The following ARHGAP10 variants were observed in gnomAD, a reference collection of about 807,000 sequenced individuals.
ARHGAP10 encodes Rho GTPase activating protein 10.
ARHGAP10 carries 87 observed loss-of-function variants against 108.6 expected under a neutral mutation model. That is an observed-to-expected ratio of 0.80 (90% CI 0.67 to 0.96). ARHGAP10 has a LOEUF of 0.96. ARHGAP10 is among the 40% of genes least tolerant of loss of function. The pLI, the probability that ARHGAP10 is intolerant of heterozygous loss-of-function variation, is 0.00. For synonymous variants in ARHGAP10, 347 were observed against 341.1 expected (o/e 1.02, Z -0.19); for missense variants, 939 against 954.5 (o/e 0.98, Z 0.21).
rs566488987 is a variant in ARHGAP10 at position 147,891,050 on chromosome 4, C to A, written c.1034+9118C>A. On this transcript the variant is annotated intron_variant, in intron 10 of 22. Transcript: ENST00000336498. Reference sequence around the variant, plus strand: ...GAGTGAGAATTTAAATGGAATGCTGCTTTGGAAAACAGTTTGTCAGTTCTT... The same window carrying A: ...GAGTGAGAATTTAAATGGAATGCTGATTTGGAAAACAGTTTGTCAGTTCTT... Among the ~76,000 whole-genome samples the A allele has an allele frequency of 8.7e-4, 132 of 152,252 alleles. 3 individuals are homozygous for A. In the South Asian group the frequency reaches 0.027, roughly 31 times the overall value.
Position 148,064,397 on chromosome 4 carries a change from G to A in ARHGAP10, c.2181-19G>A, listed in dbSNP as rs1729766813. On this transcript the variant is annotated intron_variant, in intron 21 of 22. Coordinates refer to ENST00000336498, the MANE Select transcript of ARHGAP10 (RefSeq NM_024605.4). ...TTCCACATTTTCATTGGTGTCTTTT[G>A]TATTCTCTTTCTTTTCAGCATCCGC... is the stretch of plus-strand genomic sequence containing the variant. The A allele has an allele frequency of 1.9e-6, 3 of 1,610,830 alleles. No homozygotes were observed. The highest frequency in any genetic ancestry group is 2.5e-6 in the Non-Finnish European group (3 of 1,178,016).
intron 18 of ARHGAP10, among the ~76,000 whole-genome samples, chr4:148,019,927 G>A (rs1438793965): frequency 6.6e-6 from 1 of 152,174 alleles, no homozygotes; most frequent in East Asian, 1.9e-4. Context: ...AATACAGGTT[G>A]AGTATCCCTT....
intron 16 of ARHGAP10, among the ~76,000 whole-genome samples, chr4:147,957,309 T>C (rs986663848): frequency 3.9e-5 from 6 of 152,232 alleles, no homozygotes; most frequent in African/African-American, 1.4e-4. Context: ...TAAGTTTTTA[T>C]TTTAATCTCT....
At chr4:147,932,491 A>G (rs995861588) in intron 13 of ARHGAP10, among the ~76,000 whole-genome samples, 3 of 152,224 alleles carry the variant, frequency 2.0e-5, no homozygotes, top group African/African-American at 7.2e-5. Flanking sequence ...GAATGAGATC[A>G]TGTTCTTTGC....
chr4:148,043,644 T>TATATATATATATATATAG (rs1728737992), intron 19 of ARHGAP10, among the ~76,000 whole-genome samples: 1 of 116,068 alleles, frequency 8.6e-6, no homozygotes, highest in Non-Finnish European at 1.8e-5. Flanking sequence ...TATATATATA[T>TATATATATATATATATAG]ATATATATTT....
intron 1 of ARHGAP10, among the ~76,000 whole-genome samples, chr4:147,795,294 G>A (rs1345471369): frequency 6.6e-6 from 1 of 152,220 alleles, no homozygotes; most frequent in Non-Finnish European, 1.5e-5. Flanking sequence ...AAAGTGCCTT[G>A]TAAGAGTACT....
intron 19 of ARHGAP10, among the ~76,000 whole-genome samples, chr4:148,044,803 C>A (rs1223402897): frequency 6.6e-6 from 1 of 152,030 alleles, no homozygotes; most frequent in African/African-American, 2.4e-5. Context: ...GTGGATGGAT[C>A]CCAGAAAGAA....
At chr4:148,048,244 C>T (rs974634911) in intron 20 of ARHGAP10, among the ~76,000 whole-genome samples, 2 of 152,178 alleles carry the variant, frequency 1.3e-5, no homozygotes, top group Non-Finnish European at 2.9e-5. Flanking sequence ...GGAAAGTGTT[C>T]CTCAGATTAC....
intron 13 of ARHGAP10, among the ~76,000 whole-genome samples, chr4:147,917,747 AAATT>A (rs775909516): frequency 1.1e-4 from 16 of 152,352 alleles, no homozygotes; most frequent in South Asian, 1.0e-3. Context: ...TTTGACTTTG[AAATT>A]AATTTTTATG....
chr4:147,972,579 G>T (rs919481549), intron 18 of ARHGAP10, among the ~76,000 whole-genome samples: 4 of 152,086 alleles, frequency 2.6e-5, no homozygotes, highest in Non-Finnish European at 5.9e-5. Flanking sequence ...TTTCCTGTTA[G>T]GGGTAATAGA....
chr4:147,876,478 A>G (rs893870378), intron 8 of ARHGAP10, among the ~76,000 whole-genome samples: 1 of 152,002 alleles, frequency 6.6e-6, no homozygotes, highest in African/African-American at 2.4e-5. Context: ...CTGTAGTCCC[A>G]GCTACTCGGG....
intron 18 of ARHGAP10, among the ~76,000 whole-genome samples, chr4:148,008,849 A>G (rs72724400): frequency 0.029 from 4,363 of 152,138 alleles, 99 homozygotes; most frequent in Non-Finnish European, 0.042. Flanking sequence ...TAAGACATTG[A>G]ATTAAAACAT....
intron 1 of ARHGAP10, among the ~76,000 whole-genome samples, chr4:147,733,466 G>A (rs1728304427): frequency 6.6e-6 from 1 of 152,156 alleles, no homozygotes; most frequent in South Asian, 2.1e-4. Context: ...GACTTGGGCA[G>A]TATCCAGCCT....
intron 11 of ARHGAP10, among the ~76,000 whole-genome samples, chr4:147,908,004 A>G (rs1736572081): frequency 6.6e-6 from 1 of 152,050 alleles, no homozygotes; most frequent in Non-Finnish European, 1.5e-5. Flanking sequence ...CACCATGCCC[A>G]GCTAATTTTT....
rs536265799 is a variant in ARHGAP10, at chr4:147,795,973, A to C, written c.155-26754A>C. On this transcript the variant is annotated intron_variant, in intron 1 of 22. Transcript: ENST00000336498. ...CTCTCAAAGTGCTGGGATTACAGAC[A>C]TGAGCCATCATGCCCAGCTTCCTTT... is the stretch of plus-strand genomic sequence containing the variant. Among the ~76,000 whole-genome samples, 6 of 152,236 alleles carry C rather than the reference A, an allele frequency of 3.9e-5. No individual in the cohort carries two copies. The East Asian group carries it at 1.2e-3, about 29-fold the overall frequency.
intron 1 of ARHGAP10, among the ~76,000 whole-genome samples, chr4:147,754,919 C>A (rs1475761081): frequency 6.6e-6 from 1 of 151,892 alleles, no homozygotes; most frequent in African/African-American, 2.4e-5. Context: ...CATGGTGAAA[C>A]CCTGTCTCTA....
At chr4:147,756,236 T>C (rs763273952) in intron 1 of ARHGAP10, among the ~76,000 whole-genome samples, 4 of 152,066 alleles carry the variant, frequency 2.6e-5, no homozygotes, top group Non-Finnish European at 5.9e-5. Context: ...CAGTTCTTAA[T>C]TGCTCTCCCT....
chr4:147,764,498 C>A lies in ARHGAP10; in HGVS notation c.154+32043C>A, dbSNP rs535322853. On this transcript the variant is annotated intron_variant, in intron 1 of 22. Transcript: ENST00000336498. ...GTGACTTTGAGGTAAAAAAAAAAAA[C>A]CTCCAAATCTGGAATCAATTAAAAT... 8.6e-5 allele frequency among the ~76,000 whole-genome samples: 13 copies of A among 151,084 alleles called. No homozygotes were observed. In the South Asian group the frequency reaches 2.1e-3, roughly 24 times the overall value.
At chr4:147,794,172 G>T (rs1260062388) in intron 1 of ARHGAP10, among the ~76,000 whole-genome samples, 1 of 152,152 alleles carries the variant, frequency 6.6e-6, no homozygotes, top group African/African-American at 2.4e-5. Flanking sequence ...AATTTACAGA[G>T]CGGTTATGGT....
Sources: allele counts gnomAD v4.1 joint callset (sites outside exome capture counted in the v4.1 genomes callset), GRCh38; gene constraint gnomAD v4.1.1; transcripts MANE v1.5; gene names NCBI Gene and HGNC (gene_info 2026-07-23, HGNC 2026-07-21).